Variants in TUSC3 observed in about 807,000 individuals in gnomAD.
The protein encoded by TUSC3 is tumor suppressor candidate 3, also known as dolichyl-diphosphooligosaccharide--protein glycosyltransferase subunit TUSC3.
Under a neutral mutation model 44.8 loss-of-function variants are expected in TUSC3, and 45 were observed. The observed-to-expected ratio is 1.00, with a 90% CI of 0.79 to 1.29. The LOEUF (loss-of-function observed/expected upper bound fraction) is 1.29. TUSC3 is among the 50% of genes most tolerant of loss of function. The pLI, the probability that TUSC3 is intolerant of heterozygous loss-of-function variation, is 0.00. For missense variants in TUSC3, 519 were observed against 437.9 expected (o/e 1.19, Z -1.65); for synonymous variants, 212 against 152.9 (o/e 1.39, Z -2.85).
At chr8:15,587,571 G>T (rs190830478) in intron 1 of TUSC3, among the ~76,000 whole-genome samples, 76 of 152,210 alleles carry the variant, frequency 5.0e-4, no homozygotes, top group African/African-American at 1.7e-3. Flanking sequence ...TTTGTATTGG[G>T]AGCATCCAGA....
At chr8:15,530,518 G>A (rs1801435793) in intron 2 of TUSC3, among the ~76,000 whole-genome samples, 1 of 152,136 alleles carries the variant, frequency 6.6e-6, no homozygotes, top group Non-Finnish European at 1.5e-5. Context: ...TGAGCACAGA[G>A]ATGTGAAATA....
chr8:15,659,601 C>A lies in TUSC3; in HGVS notation c.521C>A (p.Ala174Glu), dbSNP rs1394714301. The A allele has an allele frequency of 6.2e-7, 1 of 1,613,252 alleles. No homozygotes were observed. The highest frequency in any genetic ancestry group is 8.5e-7 in the Non-Finnish European group (1 of 1,179,690). The change falls in exon 4 of 11, where the codon GCA (alanine) becomes GAA (glutamate). Residue 174 changes from alanine (A) to glutamate (E), a missense_variant. Ala to Glu is a moderately radical substitution (Grantham distance 107). Transcript: ENST00000503731. ...DTFDLQRIGF[A>E]AEQLAKWIAD... ...TTTGACCTCCAAAGAATTGGATTTGCAGCTGAGCAACTAGCAAAGTGGATT... is the reference window on the plus strand; with the variant it reads ...TTTGACCTCCAAAGAATTGGATTTGAAGCTGAGCAACTAGCAAAGTGGATT...
chr8:15,636,041 A>G (rs749158367), intron 2 of TUSC3, among the ~76,000 whole-genome samples: 1 of 152,202 alleles, frequency 6.6e-6, no homozygotes, highest in African/African-American at 2.4e-5. Flanking sequence ...GCCAGTGGCA[A>G]CAGTCAGTAC....
intron 1 of TUSC3, chr8:15,561,539 G>T (rs373439642): frequency 4.0e-5 from 6 of 150,898 alleles, no homozygotes; most frequent in African/African-American, 1.2e-4. Context: ...CACCCAGTTC[G>T]AGCTTCCTGG....
intron 1 of TUSC3, among the ~76,000 whole-genome samples, chr8:15,605,982 A>C (rs1011307734): frequency 1.3e-5 from 2 of 152,086 alleles, no homozygotes; most frequent in Middle Eastern, 3.4e-3. Context: ...AGTGAGTTGC[A>C]TATTGCAGTA....
intron 1 of TUSC3, among the ~76,000 whole-genome samples, chr8:15,573,672 A>C (rs909102154): frequency 6.6e-6 from 1 of 152,088 alleles, no homozygotes; most frequent in African/African-American, 2.4e-5. Flanking sequence ...GGCTGCTAGC[A>C]AACCTCTAAT....
the TUSC3 span, among the ~76,000 whole-genome samples, chr8:15,825,155 A>G: frequency 1.3e-5 from 2 of 152,170 alleles, no homozygotes; most frequent in African/African-American, 4.8e-5. Flanking sequence ...AGTAATGGCC[A>G]ATGACAATTT....
intron 6 of TUSC3, among the ~76,000 whole-genome samples, chr8:15,727,930 A>G (rs758893081): frequency 6.6e-6 from 1 of 152,178 alleles, no homozygotes; most frequent in Admixed American, 6.5e-5. Context: ...GTTCATAATA[A>G]CACAGTTAGT....
At chr8:15,441,654 C>A (rs566679708) in intron 1 of TUSC3, among the ~76,000 whole-genome samples, 1 of 152,214 alleles carries the variant, frequency 6.6e-6, no homozygotes, top group Admixed American at 6.5e-5. Flanking sequence ...CCTTAATAAG[C>A]ACGTCTACCA....
At chr8:15,510,522 C>T (rs988943938) in intron 2 of TUSC3, among the ~76,000 whole-genome samples, 14 of 152,082 alleles carry the variant, frequency 9.2e-5, no homozygotes, top group East Asian at 3.9e-4. Context: ...AAGATAATTA[C>T]GGGAGCTCAC....
At chr8:15,711,483 T>TGTGC (rs1809849900) in intron 6 of TUSC3, among the ~76,000 whole-genome samples, 3 of 150,484 alleles carry the variant, frequency 2.0e-5, no homozygotes, top group South Asian at 2.1e-4. Context: ...TGTGTGTGTG[T>TGTGC]GTGTGTGTGT....
At chr8:15,683,318 C>A (rs1463686968) in intron 6 of TUSC3, among the ~76,000 whole-genome samples, 1 of 152,238 alleles carries the variant, frequency 6.6e-6, no homozygotes, top group East Asian at 1.9e-4. Context: ...TCTCTTATTT[C>A]TCAGAGGCTT....
chr8:15,664,269 G>A (rs2129180711), intron 5 of TUSC3, among the ~76,000 whole-genome samples: 1 of 151,504 alleles, frequency 6.6e-6, no homozygotes, highest in African/African-American at 2.4e-5. Context: ...CACAAAGCTG[G>A]GCTTCTTTAA....
the TUSC3 span, among the ~76,000 whole-genome samples, chr8:15,845,147 T>A: frequency 6.6e-6 from 1 of 152,138 alleles, no homozygotes; most frequent in East Asian, 1.9e-4. Context: ...ACCTCATCAT[T>A]AACTTTAGGA....
chr8:15,641,403 A>C (rs1806364174), intron 2 of TUSC3, among the ~76,000 whole-genome samples: 1 of 150,894 alleles, frequency 6.6e-6, no homozygotes, highest in Non-Finnish European at 1.5e-5. Context: ...GAGAAGAAGG[A>C]AGGAATTTCA....
At chr8:15,771,744 C>G in the TUSC3 span, among the ~76,000 whole-genome samples, 1 of 151,864 alleles carries the variant, frequency 6.6e-6, no homozygotes, top group Non-Finnish European at 1.5e-5. Flanking sequence ...ATGAGATACA[C>G]AAAAAGGAAT....
chr8:15,757,060 C>T (rs761693383), intron 9 of TUSC3, among the ~76,000 whole-genome samples: 2 of 152,230 alleles, frequency 1.3e-5, no homozygotes, highest in South Asian at 4.1e-4. Context: ...CACTCGAGCC[C>T]AGGAGTTTGA....
At chr8:15,784,888 A>G in the TUSC3 span, among the ~76,000 whole-genome samples, 2 of 151,902 alleles carry the variant, frequency 1.3e-5, no homozygotes, top group African/African-American at 4.8e-5. Context: ...AAATTTGCTA[A>G]AAGAGTAGAT....
At position 15,519,936 on chromosome 8, in the gene TUSC3, G is replaced by T. The variant is rs549535016; in HGVS notation, n.189+36453G>T. ...ACTATAACTCTCAATATACCTAAAT[G>T]GAGAGATTGGAGGGACCTATGGATA... On this transcript the variant is annotated intron_variant and non_coding_transcript_variant, in intron 2 of 5. Transcript: ENST00000503191. 3.9e-5 allele frequency among the ~76,000 whole-genome samples: 6 copies of T among 152,268 alleles called. No individual in the cohort carries two copies. In the East Asian group the frequency reaches 9.6e-4, roughly 24 times the overall value.
Sources: gnomAD v4.1 joint callset for allele counts (sites outside exome capture counted in the v4.1 genomes callset) on GRCh38, gnomAD v4.1.1 for gene constraint, MANE v1.5 for transcripts, NCBI Gene and HGNC (gene_info 2026-07-23, HGNC 2026-07-21) for gene names.